Variants in PCSK5 observed in about 807,000 individuals in gnomAD.
The protein encoded by PCSK5 is prohormone convertase 5.
PCSK5 carries 129 observed loss-of-function variants against 233.2 expected under a neutral mutation model. That is an observed-to-expected ratio of 0.55 (90% CI 0.48 to 0.64). The LOEUF is 0.64. Ranked by LOEUF, PCSK5 falls within the 30% of genes least tolerant of loss-of-function variation. The pLI is 0.00. For synonymous variants in PCSK5, 825 were observed against 879.2 expected, an observed-to-expected ratio of 0.94 and a Z score of 1.09; for missense variants, 2,076 against 2,430.1, an observed-to-expected ratio of 0.85 and a Z score of 3.06.
At chr9:75,965,455 G>A (rs1046675401) in intron 2 of PCSK5, among the ~76,000 whole-genome samples, 2 of 152,204 alleles carry the variant, frequency 1.3e-5, no homozygotes, top group East Asian at 3.8e-4. Flanking sequence ...GGGAGCCACT[G>A]ATGGAAATCC....
chr9:75,985,536 T>C (rs554089109), intron 2 of PCSK5, among the ~76,000 whole-genome samples: 1 of 152,198 alleles, frequency 6.6e-6, no homozygotes, highest in East Asian at 1.9e-4. Flanking sequence ...AGCGTTTTGA[T>C]CCCAGAATGT....
intron 24 of PCSK5, among the ~76,000 whole-genome samples, chr9:76,257,540 A>G (rs1160199228): frequency 6.6e-6 from 1 of 152,172 alleles, no homozygotes; most frequent in Non-Finnish European, 1.5e-5. Context: ...TCCTTTCCAC[A>G]AAGTCTCTCT....
intron 6 of PCSK5, 68 bp from the exon 7 acceptor site, chr9:76,071,658 C>A: frequency 1.5e-6 from 2 of 1,291,132 alleles, no homozygotes; most frequent in Non-Finnish European, 1.1e-6. Context: ...GAGAATCCTG[C>A]AGCTCTGTTC....
Position 76,338,404 on chromosome 9 carries a change from A to T in PCSK5, c.4923A>T (p.Thr1641=), listed in dbSNP as rs574990235. 6.2e-7 allele frequency: 1 copy of T among 1,612,768 alleles called. No individual in the cohort carries two copies. Among genetic ancestry groups the T allele is most frequent in the East Asian group, 2.2e-5 (1 of 44,862 alleles). Residue 1641 remains threonine (T), a synonymous_variant, in exon 35 of 38, where the codon ACA becomes ACT. Transcript: ENST00000674117. ...CPDHYYVEQS[T]QTCERCHPTC... is the part of the protein sequence containing the mutation. ...ACCATTACTATGTAGAGCAAAGCAC[A>T]CAGACCTGTGAGAGATGCCATCCGA...
chr9:76,228,849 A>G (rs1391018279), intron 21 of PCSK5, among the ~76,000 whole-genome samples: 1 of 152,144 alleles, frequency 6.6e-6, no homozygotes, highest in Non-Finnish European at 1.5e-5. Context: ...GCAAGACTAT[A>G]ATATTCTTGC....
At chr9:75,912,972 C>G (rs148478500) in intron 1 of PCSK5, among the ~76,000 whole-genome samples, 146 of 152,320 alleles carry the variant, frequency 9.6e-4, no homozygotes, top group Admixed American at 2.0e-3. Flanking sequence ...TTTTTTGGAA[C>G]TCTTCTTACT....
chr9:75,966,246 TC>T (rs1825581181), intron 2 of PCSK5, among the ~76,000 whole-genome samples: 1 of 152,290 alleles, frequency 6.6e-6, no homozygotes, highest in East Asian at 1.9e-4. Flanking sequence ...AACAATCTCT[TC>T]AGAAGTCAAT....
chr9:76,215,893 C>G (rs1825510105), intron 20 of PCSK5, among the ~76,000 whole-genome samples: 1 of 151,988 alleles, frequency 6.6e-6, no homozygotes, highest in South Asian at 2.1e-4. Context: ...AAGCCAAGAT[C>G]ACACCACTGC....
intron 7 of PCSK5, among the ~76,000 whole-genome samples, chr9:76,092,460 T>C (rs1278972098): frequency 1.3e-5 from 2 of 152,166 alleles, no homozygotes; most frequent in Non-Finnish European, 2.9e-5. Context: ...TGCAGTGGTG[T>C]GAGCATAGCT....
intron 2 of PCSK5, among the ~76,000 whole-genome samples, chr9:75,973,649 C>T (rs773997188): frequency 4.5e-4 from 68 of 152,202 alleles, no homozygotes; most frequent in Non-Finnish European, 7.6e-4. Context: ...TCTTTATCCT[C>T]TACTTTTCTT....
At chr9:75,901,942 G>A (rs1038753489) in intron 1 of PCSK5, among the ~76,000 whole-genome samples, 5 of 152,108 alleles carry the variant, frequency 3.3e-5, no homozygotes, top group Non-Finnish European at 7.4e-5. Context: ...CAGGCTGGGC[G>A]TGGTGGCTCA....
chr9:75,902,369 A>C (rs137914238), intron 1 of PCSK5, among the ~76,000 whole-genome samples: 6 of 152,082 alleles, frequency 3.9e-5, no homozygotes, highest in African/African-American at 1.4e-4. Context: ...GGTTGACCAT[A>C]GTCTGTGAGG....
intron 8 of PCSK5, among the ~76,000 whole-genome samples, chr9:76,098,652 A>G (rs1187492006): frequency 1.3e-5 from 2 of 152,156 alleles, no homozygotes; most frequent in African/African-American, 2.4e-5. Flanking sequence ...CAGTCCTATT[A>G]TTCTCTATGG....
At chr9:76,303,339 G>A (rs1828677125) in intron 28 of PCSK5, among the ~76,000 whole-genome samples, 1 of 152,064 alleles carries the variant, frequency 6.6e-6, no homozygotes, top group Non-Finnish European at 1.5e-5. Flanking sequence ...GTGCTTGGCT[G>A]ACATTACAGA....
chr9:76,192,067 CAAAAAAA>C (rs5898457), intron 20 of PCSK5, among the ~76,000 whole-genome samples: 2 of 101,228 alleles, frequency 2.0e-5, no homozygotes, highest in Admixed American at 1.1e-4. Flanking sequence ...AAGACTGTCT[CAAAAAAA>C]AAAAAAAAAA....
chr9:76,341,642 C>T (rs1356232583), intron 35 of PCSK5, among the ~76,000 whole-genome samples: 2 of 152,160 alleles, frequency 1.3e-5, no homozygotes, highest in Non-Finnish European at 2.9e-5. Context: ...GAATGCTGGT[C>T]TTAAGCTCAC....
In PCSK5 at chr9:76,165,861, G is replaced by A. The variant is rs183678808; in HGVS notation, c.1620-3843G>A. Among the ~76,000 whole-genome samples, 74 of 152,320 alleles carry A rather than the reference G, an allele frequency of 4.9e-4. 1 individual carries two copies. Among genetic ancestry groups the A allele is most frequent in the South Asian group, 2.1e-3 (10 of 4,824 alleles). On this transcript the variant is annotated intron_variant, in intron 12 of 37. Transcript: ENST00000674117. ...TTCACGCTGGGCATTAAGCTTTTTAGTTGATAAAAGAAGATCCCACAATTG... is the reference window on the plus strand; with the variant it reads ...TTCACGCTGGGCATTAAGCTTTTTAATTGATAAAAGAAGATCCCACAATTG...
chr9:76,269,238 A>G (rs923549603), intron 24 of PCSK5, among the ~76,000 whole-genome samples: 2 of 152,234 alleles, frequency 1.3e-5, no homozygotes, highest in African/African-American at 4.8e-5. Context: ...TCTGCAAAGT[A>G]TATTCCAGTC....
rs115176025 is a variant in PCSK5, at chr9:75,982,456, C to G, written c.298-3676C>G. Reference sequence around the variant, plus strand: ...GAATGAACCTTTTCCCATGCCCCCACTAACAGTATGTTATCAACCTTTAGA... The same window carrying G: ...GAATGAACCTTTTCCCATGCCCCCAGTAACAGTATGTTATCAACCTTTAGA... On this transcript the variant is annotated intron_variant, in intron 2 of 37. Transcript: ENST00000674117. Among the ~76,000 whole-genome samples, 761 of 152,284 alleles carry G rather than the reference C, an allele frequency of 5.0e-3. 7 individuals are homozygous for G. Among genetic ancestry groups the G allele is most frequent in the African/African-American group, 0.017 (694 of 41,558 alleles).
Sources: allele counts gnomAD v4.1 joint callset (sites outside exome capture counted in the v4.1 genomes callset), GRCh38; gene constraint gnomAD v4.1.1; transcripts MANE v1.5; gene names NCBI Gene and HGNC (gene_info 2026-07-23, HGNC 2026-07-21).